Variants in CANX observed in about 807,000 individuals in gnomAD.
The protein encoded by CANX is epididymis secretory sperm binding protein.
Under a neutral mutation model 75.7 loss-of-function variants are expected in CANX, and 14 were observed. That is an observed-to-expected ratio of 0.19 (90% CI 0.12 to 0.29). The LOEUF is 0.29. CANX is among the 10% of genes least tolerant of loss of function. CANX has a pLI of 1.00. For missense variants in CANX, 567 were observed against 713.2 expected (o/e 0.79, Z 2.34); for synonymous variants, 227 against 236.9 (o/e 0.96, Z 0.38).
In CANX at chr5:179,723,129, G is replaced by A. The variant is rs1778419114; in HGVS notation, c.1398+110G>A. 6.6e-6 allele frequency: 6 copies of A among 902,914 alleles called. No individual in the cohort carries two copies. In the Admixed American group the frequency reaches 1.3e-4, roughly 20 times the overall value. 55.9% of individuals were successfully genotyped at this position (902,914 alleles called of 1,614,324 possible). On this transcript the variant is annotated intron_variant, in intron 11 of 14. Coordinates refer to ENST00000247461, the MANE Select transcript of CANX (RefSeq NM_001746.4). The stretch of plus-strand genomic sequence containing the variant: ...TCATTTGGCAATATTGGCATAAAAA[G>A]TATAACCATATGCCTGCAAAAGACA...
intron 13 of CANX, among the ~76,000 whole-genome samples, chr5:179,725,365 C>T (rs938794548): frequency 2.0e-5 from 3 of 151,942 alleles, no homozygotes; most frequent in Admixed American, 6.6e-5. Context: ...AGCCACCAGA[C>T]CCAGCGAGAT....
chr5:179,708,966 C>T lies in CANX; in HGVS notation c.447-12C>T, dbSNP rs758321399. 1.3e-5 allele frequency: 18 copies of T among 1,418,452 alleles called. No homozygotes were observed. In the Middle Eastern group the frequency reaches 8.8e-4, roughly 69 times the overall value. The allele number at this position is 1,418,452 out of a possible 1,614,324, so 87.9% of individuals were successfully genotyped here. A position where few individuals can be genotyped will look rare whatever the true frequency, so the allele number is the denominator to read the frequency against. ...ATGCCATACAGTTTTCTGCTTTTCT[C>T]TCTGATATTAGGTATGAGGTTAATT... On this transcript the variant is annotated splice_polypyrimidine_tract_variant and intron_variant, in intron 5 of 14. Transcript: ENST00000247461.
At position 179,708,353 on chromosome 5, in the gene CANX, T is replaced by C. The variant is rs1031288128; in HGVS notation, c.419T>C (p.Leu140Pro). 1 of 1,613,576 alleles carries C rather than the reference T, an allele frequency of 6.2e-7. No homozygotes were observed. The highest frequency in any genetic ancestry group is 8.5e-7 in the Non-Finnish European group (1 of 1,179,638). ...AISAKLNKPFLFDTKPLIVQY... is the reference protein window; with the variant it reads ...AISAKLNKPFPFDTKPLIVQY... ...TCTGCTAAACTGAACAAGCCCTTCC[T>C]GTTTGACACCAAGCCTCTCATTGTT... Residue 140 changes from leucine (L) to proline (P), a missense_variant, in exon 5 of 15, where the codon CTG (leucine) becomes CCG (proline). By Grantham distance (98) the Leu-to-Pro change is moderately conservative. Around this residue, in one of 3 missense-constraint regions of CANX, gnomAD observed 351 missense variants for 433.8 expected, o/e 0.81. Coordinates refer to ENST00000247461, the MANE Select transcript of CANX (RefSeq NM_001746.4).
At chr5:179,726,233 G>T (rs1466312693) in intron 13 of CANX, among the ~76,000 whole-genome samples, 7 of 152,004 alleles carry the variant, frequency 4.6e-5, no homozygotes, top group South Asian at 2.1e-4. Flanking sequence ...GTTGCAGTGA[G>T]CCGAGATCAT....
chr5:179,724,206 C>T (rs1778495487), intron 12 of CANX, among the ~76,000 whole-genome samples: 1 of 151,970 alleles, frequency 6.6e-6, no homozygotes, highest in Non-Finnish European at 1.5e-5. Flanking sequence ...TGGGGTACCA[C>T]AGCCTTATTG....
At position 179,702,246 on chromosome 5, in the gene CANX, G is replaced by A. The variant is rs1281984660; in HGVS notation, c.-4+3144G>A. ...TTTCCTAATTTTTCATAGATACTTC[G>A]CTTTGTTGCCCAGGCTGGTCTCGAA... is the stretch of plus-strand genomic sequence containing the variant. On this transcript the variant is annotated intron_variant, in intron 1 of 14. Coordinates refer to ENST00000247461, the MANE Select transcript of CANX (RefSeq NM_001746.4). Among the ~76,000 whole-genome samples the A allele has an allele frequency of 4.0e-5, 6 of 149,278 alleles. No homozygotes were observed. In the East Asian group the frequency reaches 5.9e-4, roughly 15 times the overall value.
chr5:179,694,795 A>AT (rs966356415), upstream of CANX: 1 of 545,860 alleles, frequency 1.8e-6, no homozygotes, highest in Non-Finnish European at 3.3e-6. Flanking sequence ...TCAAAAAAAA[A>AT]AAAGTAAATG....
At chr5:179,679,158 G>T (rs898840513) in intron 1 of CANX, 1 of 1,535,424 alleles carries the variant, frequency 6.5e-7, no homozygotes, top group Non-Finnish European at 8.7e-7. Flanking sequence ...ACCTTGTAGG[G>T]CACGCAGGTG....
chr5:179,698,643 C>T (rs529613018), upstream of CANX: 12 of 1,228,450 alleles, frequency 9.8e-6, no homozygotes, highest in Non-Finnish European at 1.3e-5. Context: ...GCCCCGAAGG[C>T]ACCACAGCAA....
chr5:179,684,919 ATTTTGTATTTTTTTTTTTTTT>A (rs2113032699), intron 1 of CANX, among the ~76,000 whole-genome samples: 1 of 95,262 alleles, frequency 1.0e-5, no homozygotes, highest in African/African-American at 4.3e-5. Context: ...CACCTGGCTA[ATTTTGTATTTTTTTTTTTTTT>A]TTTTTTTTTT....
chr5:179,710,730 A>G (rs980308863), intron 7 of CANX, among the ~76,000 whole-genome samples: 2 of 146,342 alleles, frequency 1.4e-5, no homozygotes, highest in African/African-American at 5.0e-5. Flanking sequence ...AAAAGATTGT[A>G]TATCTGGAGA....
chr5:179,685,453 G>T (rs982272550), intron 1 of CANX, among the ~76,000 whole-genome samples: 1 of 151,376 alleles, frequency 6.6e-6, no homozygotes, highest in Non-Finnish European at 1.5e-5. Flanking sequence ...TCTCTATGTT[G>T]GTCAGGCTGG....
intron 10 of CANX, among the ~76,000 whole-genome samples, chr5:179,721,064 G>C (rs1353056588): frequency 2.0e-5 from 3 of 151,760 alleles, no homozygotes; most frequent in African/African-American, 7.3e-5. Flanking sequence ...TTACAGGCGT[G>C]AGCCACTGCA....
chr5:179,725,077 C>T (rs1000504706), intron 13 of CANX, among the ~76,000 whole-genome samples: 7 of 152,266 alleles, frequency 4.6e-5, no homozygotes, highest in Middle Eastern at 6.8e-3. Context: ...GGTTGGAGTA[C>T]AGTGGCACAG....
Position 179,724,761 on chromosome 5 carries a change from G to C in CANX, c.1623G>C (p.Glu541Asp). The C allele has an allele frequency of 6.2e-7, 1 of 1,611,134 alleles. No individual in the cohort carries two copies. Among genetic ancestry groups the C allele is most frequent in the Middle Eastern group, 1.6e-4 (1 of 6,062 alleles). The part of the protein sequence containing the change: ...KEEEKDKGDE[E>D]EEGEEKLEEK... The stretch of plus-strand genomic sequence containing the variant: ...AGGAAAAGGACAAGGGAGATGAGGA[G>C]GAGGAAGGAGAAGAGAAACTTGGTA... The change falls in exon 13 of 15, where the codon GAG (glutamate) becomes GAC (aspartate). Residue 541 changes from glutamate to aspartate, a missense_variant. By Grantham distance (45) the Glu-to-Asp change is conservative. This residue lies in a region of CANX where 167 missense variants were observed against 179.3 expected (regional missense o/e 0.93). Transcript: ENST00000247461.
Position 179,716,203 on chromosome 5 carries a change from C to A in CANX, c.820C>A (p.Arg274Ser). ...CATGACTCCTCCTGTAAATCCTTCA[C>A]GTGAAATTGAGGACCCAGAAGACCG... ...NDMTPPVNPS[R>S]EIEDPEDRKP... The change falls in exon 8 of 15, where the codon CGT becomes AGT. Residue 274 changes from arginine to serine, a missense_variant. Transcript: ENST00000247461. 1.2e-6 allele frequency: 2 copies of A among 1,613,616 alleles called. No individual in the cohort carries two copies. The highest frequency in any genetic ancestry group is 1.7e-6 in the Non-Finnish European group (2 of 1,179,534).
chr5:179,679,322 G>T, intron 1 of CANX: 3 of 1,370,050 alleles, frequency 2.2e-6, no homozygotes, highest in South Asian at 1.5e-5. Flanking sequence ...CTCTCAAACC[G>T]CGAGGCCGGC....
chr5:179,694,742 G>A, upstream of CANX: 1 of 664,526 alleles, frequency 1.5e-6, no homozygotes, highest in Non-Finnish European at 2.7e-6. Flanking sequence ...ATGAAGACGA[G>A]GAGGAGATGA....
At chr5:179,680,104 C>A (rs1776023409) in intron 1 of CANX, among the ~76,000 whole-genome samples, 1 of 151,834 alleles carries the variant, frequency 6.6e-6, no homozygotes, top group Non-Finnish European at 1.5e-5. Context: ...AGCCACTGTA[C>A]CCGGCAGGGC....
Sources: allele counts gnomAD v4.1 joint callset (sites outside exome capture counted in the v4.1 genomes callset), GRCh38; gene constraint gnomAD v4.1.1; regional missense constraint gnomAD v4.1.1; transcripts MANE v1.5; gene names NCBI Gene and HGNC (gene_info 2026-07-23, HGNC 2026-07-21).